PDGFD: variants seen among roughly 807,000 people sequenced by gnomAD.
PDGFD encodes platelet-derived growth factor D.
Under a neutral mutation model 44.7 loss-of-function variants are expected in PDGFD, and 30 were observed. The observed-to-expected ratio is 0.67, with a 90% CI of 0.50 to 0.91. The LOEUF (loss-of-function observed/expected upper bound fraction) is 0.91, where lower values mean the gene tolerates loss of function less well. PDGFD is among the 40% of genes least tolerant of loss of function. The pLI, the probability that PDGFD is intolerant of heterozygous loss-of-function variation, is 0.00. For synonymous variants in PDGFD, 173 were observed against 168.4 expected (o/e 1.03, Z -0.21); for missense variants, 445 against 457.8 (o/e 0.97, Z 0.25).
rs76235475 is a variant in PDGFD at position 104,082,205 on chromosome 11, T to G, written c.124+81599A>C. Reference sequence around the variant, plus strand: ...TGACATCACCCAAGTCATATAGATATATGGGCAAGAACTCAAGCTCTCAAC... The same window carrying G: ...TGACATCACCCAAGTCATATAGATAGATGGGCAAGAACTCAAGCTCTCAAC... On this transcript the variant is annotated intron_variant, in intron 1 of 6. Transcript: ENST00000393158. 6.0e-3 allele frequency among the ~76,000 whole-genome samples: 892 copies of G among 149,276 alleles called. 12 individuals are homozygous for G. The highest frequency in any genetic ancestry group is 0.021 in the African/African-American group (860 of 40,208).
chr11:104,159,795 AC>A (rs1862363241), intron 1 of PDGFD, among the ~76,000 whole-genome samples: 1 of 152,126 alleles, frequency 6.6e-6, no homozygotes, highest in Non-Finnish European at 1.5e-5. Context: ...CATTTAATAA[AC>A]TCATTATGGT....
At chr11:103,931,464 T>C (rs1420795915) in intron 5 of PDGFD, among the ~76,000 whole-genome samples, 1 of 152,234 alleles carries the variant, frequency 6.6e-6, no homozygotes, top group Non-Finnish European at 1.5e-5. Flanking sequence ...GTGCTGGCCA[T>C]TCATCAATCT....
chr11:104,063,576 G>A lies in PDGFD; in HGVS notation c.125-63321C>T, dbSNP rs138655842. Among the ~76,000 whole-genome samples the A allele has an allele frequency of 5.7e-3, 865 of 152,140 alleles. 15 individuals are homozygous for A. Among genetic ancestry groups the A allele is most frequent in the Admixed American group, 0.032 (484 of 15,278 alleles). On this transcript the variant is annotated intron_variant, in intron 1 of 6. Coordinates refer to ENST00000393158, the MANE Select transcript of PDGFD (RefSeq NM_025208.5). ...TTTCACACTGCTATAAAGAACTACC[G>A]GAAACTGGGTAATTTATAAAGAAAA...
intron 3 of PDGFD, among the ~76,000 whole-genome samples, chr11:103,979,369 T>C (rs1859231996): frequency 6.6e-6 from 1 of 152,054 alleles, no homozygotes; most frequent in East Asian, 1.9e-4. Flanking sequence ...CATTTCCAGA[T>C]CAGCTTCTCT....
rs1252003140 is a variant in PDGFD, at chr11:103,908,865, T to C, written c.*829A>G. ...AAGGATTTGCTTTTGTGGAGGGGTTTTGCAAAGAAAAACAATTCAAAATTC... is the reference window on the plus strand; with the variant it reads ...AAGGATTTGCTTTTGTGGAGGGGTTCTGCAAAGAAAAACAATTCAAAATTC... On this transcript the variant is annotated 3_prime_UTR_variant, in exon 7 of 7. Transcript: ENST00000393158. The C allele has an allele frequency of 6.6e-6, 1 of 152,218 alleles. No homozygotes were observed. Among genetic ancestry groups the C allele is most frequent in the Non-Finnish European group, 1.5e-5 (1 of 68,036 alleles). The allele number at this position is 152,218 out of a possible 1,614,324, so 9.4% of individuals were successfully genotyped here. A position where few individuals can be genotyped will look rare whatever the true frequency, so the allele number is the denominator to read the frequency against.
chr11:104,045,234 T>G (rs1476449091), intron 1 of PDGFD, among the ~76,000 whole-genome samples: 2 of 152,180 alleles, frequency 1.3e-5, no homozygotes, highest in African/African-American at 4.8e-5. Flanking sequence ...TATGTCTAAG[T>G]GTTGAAAGTA....
intron 1 of PDGFD, chr11:104,038,732 CA>C (rs1399988831): frequency 6.0e-6 from 1 of 166,986 alleles, no homozygotes; most frequent in Non-Finnish European, 1.5e-5. Flanking sequence ...GGCTATAAAA[CA>C]AAGGCAATAA....
chr11:103,931,849 T>C (rs1488972982), intron 5 of PDGFD, among the ~76,000 whole-genome samples: 1 of 152,218 alleles, frequency 6.6e-6, no homozygotes, highest in African/African-American at 2.4e-5. Flanking sequence ...GCTAAAGTTC[T>C]TTATAAACTC....
chr11:104,110,386 C>T (rs1426036366), intron 1 of PDGFD, among the ~76,000 whole-genome samples: 2 of 133,910 alleles, frequency 1.5e-5, no homozygotes, highest in Non-Finnish European at 3.3e-5. Context: ...ATTCGAAAGA[C>T]TGTGAGTAGT....
At chr11:104,162,330 A>G (rs1380536167) in intron 1 of PDGFD, among the ~76,000 whole-genome samples, 1 of 152,148 alleles carries the variant, frequency 6.6e-6, no homozygotes, top group African/African-American at 2.4e-5. Context: ...ATTTTACTCT[A>G]TGTAGCTAAA....
At chr11:104,084,379 C>A (rs1049808173) in intron 1 of PDGFD, among the ~76,000 whole-genome samples, 2 of 152,010 alleles carry the variant, frequency 1.3e-5, no homozygotes, top group African/African-American at 4.8e-5. Context: ...CAGAATCAGC[C>A]TTAAAGAGAT....
rs919510576 is a variant in PDGFD, at chr11:104,028,606, T to A, written c.125-28351A>T. On this transcript the variant is annotated intron_variant, in intron 1 of 6. Coordinates refer to ENST00000393158, the MANE Select transcript of PDGFD (RefSeq NM_025208.5). The stretch of plus-strand genomic sequence containing the variant: ...GTTGAATGCCAGTATATTTCATTTG[T>A]GTAAACAGTAATTTACAAGTTATCC... Among the ~76,000 whole-genome samples, 14 of 151,140 alleles carry A rather than the reference T, an allele frequency of 9.3e-5. No individual in the cohort carries two copies. The East Asian group carries it at 2.7e-3, about 29-fold the overall frequency.
At chr11:104,059,338 A>G (rs375882186) in intron 1 of PDGFD, among the ~76,000 whole-genome samples, 24 of 152,358 alleles carry the variant, frequency 1.6e-4, no homozygotes, top group East Asian at 1.3e-3. Context: ...TTACTTAAAA[A>G]TAAAAAGCCT....
chr11:104,120,152 T>TGGAAGA (rs1861751275), intron 1 of PDGFD, among the ~76,000 whole-genome samples: 1 of 151,150 alleles, frequency 6.6e-6, no homozygotes, highest in African/African-American at 2.4e-5. Flanking sequence ...AAGCCATCCT[T>TGGAAGA]AAATTGCATT....
intron 5 of PDGFD, among the ~76,000 whole-genome samples, chr11:103,936,549 C>T (rs1858490134): frequency 6.6e-6 from 1 of 152,074 alleles, no homozygotes; most frequent in South Asian, 2.1e-4. Context: ...ACATTTATTT[C>T]ATTTATTTCT....
intron 1 of PDGFD, among the ~76,000 whole-genome samples, chr11:104,117,714 C>T (rs1028049335): frequency 6.6e-6 from 1 of 151,974 alleles, no homozygotes; most frequent in African/African-American, 2.4e-5. Flanking sequence ...CCACAAAACA[C>T]TGCTAAAAGA....
intron 1 of PDGFD, among the ~76,000 whole-genome samples, chr11:104,101,971 A>T (rs1368593695): frequency 6.6e-6 from 1 of 152,048 alleles, no homozygotes; most frequent in Non-Finnish European, 1.5e-5. Flanking sequence ...AACCATAAAA[A>T]CCCTAGAAGA....
chr11:103,930,848 T>C (rs1393303672), intron 5 of PDGFD, among the ~76,000 whole-genome samples: 1 of 152,242 alleles, frequency 6.6e-6, no homozygotes, highest in East Asian at 1.9e-4. Context: ...ACCTATTCAG[T>C]TCTGACTAAT....
At chr11:104,162,112 T>C (rs1472744379) in intron 1 of PDGFD, among the ~76,000 whole-genome samples, 1 of 151,556 alleles carries the variant, frequency 6.6e-6, no homozygotes, top group Non-Finnish European at 1.5e-5. Context: ...ATGTATAGAG[T>C]TTTAACAATG....
Sources: gnomAD v4.1 joint callset for allele counts (sites outside exome capture counted in the v4.1 genomes callset) on GRCh38, gnomAD v4.1.1 for gene constraint, MANE v1.5 for transcripts, NCBI Gene and HGNC (gene_info 2026-07-23, HGNC 2026-07-21) for gene names.